The following ZMYM2 variants were observed in gnomAD, a reference collection of about 807,000 sequenced individuals.
The protein encoded by ZMYM2 is zinc finger MYM-type protein 2.
ZMYM2 carries 56 observed loss-of-function variants against 162.8 expected under a neutral mutation model. That is an observed-to-expected ratio of 0.34 (90% confidence interval 0.28 to 0.43). ZMYM2 has a LOEUF of 0.43. ZMYM2 is among the 20% of genes least tolerant of loss of function. The probability of loss-of-function intolerance (pLI) is 1.00; values close to 1 mark genes in which losing one functional copy is unlikely to be tolerated. For synonymous variants in ZMYM2, 510 were observed against 541.6 expected, an observed-to-expected ratio of 0.94 and a Z score of 0.81; for missense variants, 1,275 against 1,621.8, an observed-to-expected ratio of 0.79 and a Z score of 3.67.
intron 2 of ZMYM2, among the ~76,000 whole-genome samples, chr13:19,967,248 C>T (rs1955870833): frequency 6.6e-6 from 1 of 151,978 alleles, no homozygotes; most frequent in African/African-American, 2.4e-5. Context: ...GGTATGTTTC[C>T]AAATTACAGT....
rs537992298 is a variant in ZMYM2, at chr13:20,044,422, C to T, written c.2293-7011C>T. ...AGCCCCATGCAGCGTTCCCAGATTCCTTCTCCTTAAGCCAAGCTTCTCTCT... is the reference window on the plus strand; with the variant it reads ...AGCCCCATGCAGCGTTCCCAGATTCTTTCTCCTTAAGCCAAGCTTCTCTCT... On this transcript the variant is annotated intron_variant, in intron 12 of 24. Transcript: ENST00000610343. Among the ~76,000 whole-genome samples the T allele has an allele frequency of 1.4e-4, 21 of 152,240 alleles. No homozygotes were observed. In the South Asian group the frequency reaches 4.4e-3, roughly 32 times the overall value.
At chr13:20,015,515 A>T (rs958872360) in intron 6 of ZMYM2, among the ~76,000 whole-genome samples, 3 of 152,150 alleles carry the variant, frequency 2.0e-5, no homozygotes, top group African/African-American at 7.2e-5. Context: ...CTTAGTTGAA[A>T]TTCTGTCTAG....
intron 3 of ZMYM2, among the ~76,000 whole-genome samples, chr13:19,998,721 G>C (rs1047307316): frequency 6.6e-6 from 1 of 152,152 alleles, no homozygotes; most frequent in Non-Finnish European, 1.5e-5. Context: ...AATACAGTCA[G>C]GTAAGATCTG....
chr13:19,895,070 C>CT, the ZMYM2 span, among the ~76,000 whole-genome samples: 2 of 105,472 alleles, frequency 1.9e-5, no homozygotes, highest in African/African-American at 7.0e-5. Context: ...GAGCGAAACT[C>CT]CATCTCAAAA....
intron 17 of ZMYM2, 45 bp downstream of exon 17, chr13:20,061,269 G>A: frequency 6.3e-7 from 1 of 1,581,164 alleles, no homozygotes; most frequent in Non-Finnish European, 8.6e-7. Context: ...GTTAACATTG[G>A]TTATTTATAA....
At chr13:19,968,553 C>T (rs1956016180) in intron 2 of ZMYM2, among the ~76,000 whole-genome samples, 2 of 152,184 alleles carry the variant, frequency 1.3e-5, no homozygotes. Context: ...TGAGCCACCG[C>T]ACCAGACCTC....
At chr13:20,063,100 A>T in intron 18 of ZMYM2, 129 bp downstream of exon 18, 3 of 1,159,286 alleles carry the variant, frequency 2.6e-6, no homozygotes, top group Non-Finnish European at 3.5e-6. Flanking sequence ...TATTTTTTAA[A>T]CTCACCTTAA....
At chr13:19,970,385 AC>A (rs1314784320) in intron 2 of ZMYM2, among the ~76,000 whole-genome samples, 1 of 152,192 alleles carries the variant, frequency 6.6e-6, no homozygotes, top group Non-Finnish European at 1.5e-5. Flanking sequence ...AACTGTAATT[AC>A]GCAGATGAAT....
rs187578947 is a variant in ZMYM2, at chr13:20,087,688, C to T, written c.*1674C>T. The T allele has an allele frequency of 5.8e-4, 107 of 185,458 alleles. 1 individual carries two copies. Among genetic ancestry groups the T allele is most frequent in the Non-Finnish European group, 1.0e-3 (91 of 87,608 alleles). 11.5% of individuals were successfully genotyped at this position (185,458 alleles called of 1,614,324 possible). ...GGCATAAAAAATTATAATGTTCTAACTTGTTTTATAAGTTGAATGACTTTT... is the reference window on the plus strand; with the variant it reads ...GGCATAAAAAATTATAATGTTCTAATTTGTTTTATAAGTTGAATGACTTTT... On this transcript the variant is annotated 3_prime_UTR_variant, in exon 25 of 25. Coordinates refer to ENST00000610343, the MANE Select transcript of ZMYM2 (RefSeq NM_197968.4).
chr13:19,986,506 T>C (rs1949154363), intron 2 of ZMYM2, among the ~76,000 whole-genome samples: 1 of 152,206 alleles, frequency 6.6e-6, no homozygotes, highest in South Asian at 2.1e-4. Context: ...AAAGCTTGTT[T>C]ATAGCAAAAA....
chr13:19,984,665 C>T (rs1193273675), intron 2 of ZMYM2, among the ~76,000 whole-genome samples: 1 of 152,072 alleles, frequency 6.6e-6, no homozygotes, highest in African/African-American at 2.4e-5. Flanking sequence ...ATTGGATTGT[C>T]TTTCTTTAAA....
chr13:20,015,282 C>T (rs1951529179), intron 6 of ZMYM2, among the ~76,000 whole-genome samples: 3 of 152,056 alleles, frequency 2.0e-5, no homozygotes, highest in Admixed American at 2.0e-4. Flanking sequence ...CCTTCTATTA[C>T]TGATTTCTAG....
chr13:19,961,800 C>G (rs972035501), intron 2 of ZMYM2, among the ~76,000 whole-genome samples: 2 of 152,178 alleles, frequency 1.3e-5, no homozygotes, highest in South Asian at 4.1e-4. Flanking sequence ...AAAACAGCAA[C>G]TAGTGATGCT....
chr13:20,060,278 ATTGCT>A (rs1314184365), intron 16 of ZMYM2, among the ~76,000 whole-genome samples: 3 of 152,142 alleles, frequency 2.0e-5, no homozygotes, highest in Non-Finnish European at 2.9e-5. Flanking sequence ...GTCATGATTG[ATTGCT>A]TTGTGTATAG....
intron 6 of ZMYM2, among the ~76,000 whole-genome samples, chr13:20,010,305 T>G (rs1951068913): frequency 6.6e-6 from 1 of 151,886 alleles, no homozygotes; most frequent in African/African-American, 2.4e-5. Context: ...AAGGGATTCT[T>G]CTGTCTCAGC....
the ZMYM2 span, among the ~76,000 whole-genome samples, chr13:19,882,749 AAACAAAAAAG>A: frequency 7.4e-4 from 112 of 151,638 alleles, no homozygotes; most frequent in African/African-American, 2.6e-3. Flanking sequence ...CCTGTCTCAA[AAACAAAAAAG>A]AACACGAAAA....
Position 20,086,003 on chromosome 13 carries a change from GAC to G in ZMYM2, c.4127_4128del (p.Thr1376ArgfsTer16), listed in dbSNP as rs1323510924. The G allele has an allele frequency of 1.2e-6, 2 of 1,613,070 alleles. No individual in the cohort carries two copies. The highest frequency in any genetic ancestry group is 1.3e-5 in the African/African-American group (1 of 74,908). On this transcript the variant is annotated frameshift_variant, in exon 25 of 25. Coordinates refer to ENST00000610343, the MANE Select transcript of ZMYM2 (RefSeq NM_197968.4). LOFTEE classifies it high-confidence loss of function. Reference sequence around the variant, plus strand: ...TAAAGACAATTATGAACTGGATGAAGACACAGACTAAAAAGGAACGTTGCAGA... The same window carrying G: ...TAAAGACAATTATGAACTGGATGAAGACAGACTAAAAAGGAACGTTGCAGA... ...YDKDNYELDEDTD is the reference protein window; with the variant it reads ...YDKDNYELDEXTD
chr13:19,969,173 A>G (rs1485249961), intron 2 of ZMYM2, among the ~76,000 whole-genome samples: 1 of 152,198 alleles, frequency 6.6e-6, no homozygotes, highest in Non-Finnish European at 1.5e-5. Context: ...TTGCATATAT[A>G]CTGTTACTAT....
rs1566362339 is a variant in ZMYM2, at chr13:20,036,843, CGAT to C, written c.2228_2230del (p.Asp743del). 1 of 1,610,152 alleles carries C rather than the reference CGAT, an allele frequency of 6.2e-7. No homozygotes were observed. Among genetic ancestry groups the C allele is most frequent in the African/African-American group, 1.3e-5 (1 of 74,832 alleles). Reference sequence around the variant, plus strand: ...GTAAGAAGGGAGCAACTAAAGAACTCGATGGTGTTGTGAGAGATTTCTGCAGTG... The same window carrying C: ...GTAAGAAGGGAGCAACTAAAGAACTCGGTGTTGTGAGAGATTTCTGCAGTG... On this transcript the variant is annotated inframe_deletion, in exon 12 of 25. Transcript: ENST00000610343.
Sources: allele counts gnomAD v4.1 joint callset (sites outside exome capture counted in the v4.1 genomes callset), GRCh38; gene constraint gnomAD v4.1.1; transcripts MANE v1.5; gene names NCBI Gene and HGNC (gene_info 2026-07-23, HGNC 2026-07-21).